DPYSL2: variants seen among roughly 807,000 people sequenced by gnomAD.
DPYSL2 encodes the protein dihydropyrimidinase like 2.
DPYSL2 carries 13 observed loss-of-function variants against 69.9 expected under a neutral mutation model. The ratio of observed to expected loss-of-function variants is 0.19; its 90% CI spans 0.12 to 0.30. The LOEUF (loss-of-function observed/expected upper bound fraction) is 0.30. DPYSL2 is among the 10% of genes least tolerant of loss of function. The probability of loss-of-function intolerance (pLI) is 1.00; values close to 1 mark genes in which losing one functional copy is unlikely to be tolerated. For missense variants in DPYSL2, 587 were observed against 918.9 expected (o/e 0.64, Z 4.67); for synonymous variants, 326 against 359.1 (o/e 0.91, Z 1.04).
At chr8:26,592,742 G>T (rs1452075187) in intron 3 of DPYSL2, among the ~76,000 whole-genome samples, 1 of 152,192 alleles carries the variant, frequency 6.6e-6, no homozygotes, top group Non-Finnish European at 1.5e-5. Context: ...CTCCCAAAGT[G>T]CTGGGATTAC....
At chr8:26,611,452 G>A (rs1425564154) in intron 3 of DPYSL2, among the ~76,000 whole-genome samples, 1 of 152,180 alleles carries the variant, frequency 6.6e-6, no homozygotes, top group African/African-American at 2.4e-5. Flanking sequence ...GCCAGGAGAA[G>A]TCACTTCTTG....
intron 3 of DPYSL2, among the ~76,000 whole-genome samples, chr8:26,602,583 G>A (rs1802016957): frequency 6.6e-6 from 1 of 152,198 alleles, no homozygotes; most frequent in South Asian, 2.1e-4. Context: ...TAAACAAAGT[G>A]AATTAGTGTT....
At chr8:26,526,962 C>T (rs2117606457) in intron 1 of DPYSL2, among the ~76,000 whole-genome samples, 1 of 152,338 alleles carries the variant, frequency 6.6e-6, no homozygotes, top group African/African-American at 2.4e-5. Context: ...GCATCTTCTG[C>T]AGAGCAGGGC....
chr8:26,622,242 G>A (rs918306608), intron 3 of DPYSL2, among the ~76,000 whole-genome samples: 1 of 149,850 alleles, frequency 6.7e-6, no homozygotes, highest in African/African-American at 2.5e-5. Context: ...AGAAAAATTG[G>A]AATTATTTTG....
chr8:26,584,703 T>C (rs1460960305), intron 3 of DPYSL2, among the ~76,000 whole-genome samples: 1 of 141,640 alleles, frequency 7.1e-6, no homozygotes, highest in Non-Finnish European at 1.5e-5. Context: ...CACTGCAACC[T>C]CTGCCTCCCC....
At chr8:26,581,605 C>T (rs1459129714) in intron 1 of DPYSL2, among the ~76,000 whole-genome samples, 4 of 152,090 alleles carry the variant, frequency 2.6e-5, no homozygotes, top group African/African-American at 9.7e-5. Flanking sequence ...AACTCCTGAC[C>T]TCAGGTGATC....
intron 7 of DPYSL2, among the ~76,000 whole-genome samples, chr8:26,632,916 A>G (rs753785168): frequency 2.6e-5 from 4 of 152,222 alleles, no homozygotes; most frequent in Non-Finnish European, 2.9e-5. Flanking sequence ...ATTTCTAGAC[A>G]TCCCTTTTCA....
intron 1 of DPYSL2, among the ~76,000 whole-genome samples, chr8:26,540,072 T>C (rs1800653978): frequency 6.6e-6 from 1 of 152,222 alleles, no homozygotes; most frequent in South Asian, 2.1e-4. Flanking sequence ...ATAATTGTTT[T>C]AAGGAAGCTT....
In DPYSL2 at chr8:26,562,539, G is replaced by T. The variant is rs1398265528; in HGVS notation, c.355-19430G>T. ...TAAAAAGTATTGGTCAGATTTTGTT[G>T]TTCCCGATTAGAATGCTTAAATGGT... On this transcript the variant is annotated intron_variant, in intron 1 of 13. Coordinates refer to ENST00000521913, the MANE Select transcript of DPYSL2 (RefSeq NM_001197293.3). This position sits in a 1 kb window ranked among gnomAD's most constrained non-coding sequence, Gnocchi z 4.9. Among the ~76,000 whole-genome samples the T allele has an allele frequency of 6.6e-6, 1 of 152,124 alleles. No homozygotes were observed. Among genetic ancestry groups the T allele is most frequent in the Non-Finnish European group, 1.5e-5 (1 of 68,024 alleles).
At chr8:26,592,462 G>GTT (rs56357770) in intron 3 of DPYSL2, among the ~76,000 whole-genome samples, 6 of 138,974 alleles carry the variant, frequency 4.3e-5, no homozygotes, top group Admixed American at 7.3e-5. Context: ...TGGTACATTA[G>GTT]TTTTTTTTTT....
At position 26,577,993 on chromosome 8, in the gene DPYSL2, T is replaced by TC. The variant is rs1491457483; in HGVS notation, c.355-3976_355-3975insC. Reference sequence around the variant, plus strand: ...CCTTCCCTCCTGTTTCTCTCTCTCCTTCTCTCTCTCTCTCTCTCTCTCTCT... The same window carrying TC: ...CCTTCCCTCCTGTTTCTCTCTCTCCTCTCTCTCTCTCTCTCTCTCTCTCTCT... On this transcript the variant is annotated intron_variant, in intron 1 of 13. Transcript: ENST00000521913. 39 of 1,204,200 alleles carry TC rather than the reference T, an allele frequency of 3.2e-5. No homozygotes were observed. The African/African-American group carries it at 4.4e-4, about 14-fold the overall frequency. The allele number at this position is 1,204,200 out of a possible 1,614,324, so 74.6% of individuals were successfully genotyped here. A position where few individuals can be genotyped will look rare whatever the true frequency, so the allele number is the denominator to read the frequency against.
At chr8:26,608,045 CCAACCTGGGTGA>C (rs1802144232) in intron 3 of DPYSL2, among the ~76,000 whole-genome samples, 2 of 148,258 alleles carry the variant, frequency 1.3e-5, no homozygotes, top group South Asian at 4.3e-4. Flanking sequence ...CCACTGCACT[CCAACCTGGGTGA>C]CAGAGCAAGA....
Position 26,654,678 on chromosome 8 carries a change from C to A in DPYSL2, c.1943-937C>A, listed in dbSNP as rs1803344218. ...GAGGGCTATGTCCTCAGAAAAGCCA[C>A]AGCCAATTTGACTAATCAGAACAGG... On this transcript the variant is annotated intron_variant, in intron 13 of 13. Coordinates refer to ENST00000521913, the MANE Select transcript of DPYSL2 (RefSeq NM_001197293.3). The surrounding 1 kb of genome is among the most constrained non-coding windows in gnomAD (Gnocchi z 5.0). Among the ~76,000 whole-genome samples, 1 of 152,106 alleles carries A rather than the reference C, an allele frequency of 6.6e-6. No individual in the cohort carries two copies. The highest frequency in any genetic ancestry group is 1.9e-4 in the East Asian group (1 of 5,194).
chr8:26,613,185 G>A (rs1396919821), intron 3 of DPYSL2, among the ~76,000 whole-genome samples: 5 of 152,196 alleles, frequency 3.3e-5, no homozygotes, highest in African/African-American at 1.2e-4. Context: ...AAAATGGGAT[G>A]AAAAGCCCAA....
rs149817583 is a variant in DPYSL2, at chr8:26,557,417, T to C, written c.355-24552T>C. 5.5e-4 allele frequency among the ~76,000 whole-genome samples: 84 copies of C among 151,986 alleles called. 1 individual carries two copies. In the East Asian group the frequency reaches 0.016, roughly 28 times the overall value. On this transcript the variant is annotated intron_variant, in intron 1 of 13. Coordinates refer to ENST00000521913, the MANE Select transcript of DPYSL2 (RefSeq NM_001197293.3). ...TTAAGAGACACCTCACCAAAGAAGA[T>C]GTACTCACGGCAAATAAGCATGTGA...
chr8:26,611,431 G>A (rs570660893), intron 3 of DPYSL2, among the ~76,000 whole-genome samples: 1 of 152,354 alleles, frequency 6.6e-6, no homozygotes, highest in East Asian at 1.9e-4. Flanking sequence ...GGAGGACACG[G>A]TGGTGGTGGG....
chr8:26,536,173 C>T (rs1449593600), intron 1 of DPYSL2, among the ~76,000 whole-genome samples: 4 of 150,222 alleles, frequency 2.7e-5, no homozygotes, highest in Admixed American at 6.6e-5. Flanking sequence ...CTCCTGGGCT[C>T]AAGTAATCCT....
At chr8:26,594,036 A>T (rs1801802880) in intron 3 of DPYSL2, among the ~76,000 whole-genome samples, 2 of 152,110 alleles carry the variant, frequency 1.3e-5, no homozygotes, top group African/African-American at 4.8e-5. Context: ...GCTTCAGAGG[A>T]TGGGATTGTA....
At chr8:26,589,152 C>T (rs901157145) in intron 3 of DPYSL2, among the ~76,000 whole-genome samples, 12 of 152,230 alleles carry the variant, frequency 7.9e-5, no homozygotes, top group Admixed American at 5.9e-4. Context: ...GCTGCCCCAG[C>T]CCAGACTTGC....
Sources: allele counts gnomAD v4.1 joint callset (sites outside exome capture counted in the v4.1 genomes callset), GRCh38; gene constraint gnomAD v4.1.1; non-coding constraint Gnocchi (gnomAD v3.1); transcripts MANE v1.5; gene names NCBI Gene and HGNC (gene_info 2026-07-23, HGNC 2026-07-21).